Variants in MAP3K7 observed in about 807,000 individuals in gnomAD.
MAP3K7 encodes the protein TGF-beta activated kinase 1.
A neutral mutation model predicts 84.8 loss-of-function variants in MAP3K7; 21 were observed. The ratio of observed to expected loss-of-function variants is 0.25; its 90% CI spans 0.18 to 0.36. The LOEUF (loss-of-function observed/expected upper bound fraction) is 0.36, where lower values mean the gene tolerates loss of function less well. Ranked by LOEUF, MAP3K7 falls within the 10% of genes least tolerant of loss-of-function variation. The probability of loss-of-function intolerance (pLI) is 1.00; values close to 1 mark genes in which losing one functional copy is unlikely to be tolerated. For synonymous variants in MAP3K7, 241 were observed against 247.7 expected, an observed-to-expected ratio of 0.97 and a Z score of 0.25; for missense variants, 503 against 747.7, an observed-to-expected ratio of 0.67 and a Z score of 3.82.
chr6:90,552,793 A>G (rs1334227427), intron 7 of MAP3K7, among the ~76,000 whole-genome samples: 1 of 152,258 alleles, frequency 6.6e-6, no homozygotes, highest in Non-Finnish European at 1.5e-5. Flanking sequence ...ACTATAAAAG[A>G]AACAGGACAG....
At chr6:90,530,248 T>G (rs1405785070) in intron 13 of MAP3K7, among the ~76,000 whole-genome samples, 2 of 152,192 alleles carry the variant, frequency 1.3e-5, no homozygotes, top group African/African-American at 4.8e-5. Context: ...GTTTGTGACA[T>G]GTAAGAATCA....
At chr6:90,566,845 G>T (rs956483407) in intron 3 of MAP3K7, among the ~76,000 whole-genome samples, 1 of 152,064 alleles carries the variant, frequency 6.6e-6, no homozygotes, top group Non-Finnish European at 1.5e-5. Context: ...AAACAGCACG[G>T]TACTGGTACC....
At chr6:90,541,173 T>G (rs1051389921) in intron 12 of MAP3K7, among the ~76,000 whole-genome samples, 2 of 151,974 alleles carry the variant, frequency 1.3e-5, no homozygotes, top group Non-Finnish European at 2.9e-5. Context: ...TCTTCAAATA[T>G]AAATGTAACA....
Position 90,556,629 on chromosome 6 carries a change from T to TA in MAP3K7, c.483-6_483-5insT, listed in dbSNP as rs769034478. 1.4e-5 allele frequency: 21 copies of TA among 1,550,452 alleles called. No individual in the cohort carries two copies. Among genetic ancestry groups the TA allele is most frequent in the East Asian group, 2.3e-5 (1 of 43,374 alleles). ...CCCCCTGCAACCAGCAGTAAGCTGT[T>TA]TAAAAAAAAACAAAAAACATCAAAA... On this transcript the variant is annotated splice_region_variant and splice_polypyrimidine_tract_variant and intron_variant, in intron 5 of 16. Transcript: ENST00000369329.
chr6:90,534,858 T>G (rs555197472), intron 13 of MAP3K7, among the ~76,000 whole-genome samples: 1 of 152,006 alleles, frequency 6.6e-6, no homozygotes, highest in East Asian at 1.9e-4. Flanking sequence ...GTAAACAGAG[T>G]TTAAAAGGCT....
chr6:90,586,378 CAAAAAAAA>C (rs71027942), intron 1 of MAP3K7, among the ~76,000 whole-genome samples: 22 of 78,566 alleles, frequency 2.8e-4, no homozygotes, highest in Middle Eastern at 0.014. Flanking sequence ...GACTCCGTCT[CAAAAAAAA>C]AAAAAAAAAA....
intron 1 of MAP3K7, among the ~76,000 whole-genome samples, chr6:90,577,058 T>TA (rs1224419383): frequency 1.3e-5 from 2 of 152,078 alleles, no homozygotes; most frequent in African/African-American, 2.4e-5. Flanking sequence ...GATATGTAAA[T>TA]AGAGACCCAT....
chr6:90,553,627 T>C, intron 6 of MAP3K7, 41 bp from the exon 7 acceptor site: 2 of 1,553,704 alleles, frequency 1.3e-6, no homozygotes, highest in Admixed American at 2.0e-5. Context: ...AAGACTATTT[T>C]TCCACATGAC....
intron 6 of MAP3K7, 82 bp from the exon 7 acceptor site, chr6:90,553,668 T>A: frequency 2.5e-6 from 3 of 1,204,878 alleles, no homozygotes; most frequent in Non-Finnish European, 3.5e-6. Context: ...ATTTTGAGAA[T>A]GGGTATCAGG....
chr6:90,563,996 T>A lies in MAP3K7; in HGVS notation c.298-2329A>T, dbSNP rs559776549. Among the ~76,000 whole-genome samples the A allele has an allele frequency of 2.6e-5, 4 of 152,234 alleles. 1 individual carries two copies. The highest frequency in any genetic ancestry group is 9.6e-5 in the African/African-American group (4 of 41,530). ...CTTCATAGGTGAGGGAGAAATAAAA[T>A]CCTTTACAGACAAACAAATGCTGAC... On this transcript the variant is annotated intron_variant, in intron 3 of 16. Transcript: ENST00000369329.
intron 14 of MAP3K7, among the ~76,000 whole-genome samples, chr6:90,522,562 A>G (rs755237064): frequency 6.6e-6 from 1 of 152,142 alleles, no homozygotes; most frequent in Non-Finnish European, 1.5e-5. Context: ...AATTCTACAC[A>G]TGTGCTGCGT....
chr6:90,536,598 C>T (rs1209542585), intron 12 of MAP3K7, 197 bp from the exon 13 acceptor site: 7 of 542,120 alleles, frequency 1.3e-5, no homozygotes, highest in East Asian at 6.2e-5. Flanking sequence ...GAAACAGCTG[C>T]GGTGTTTTAA....
intron 11 of MAP3K7, 98 bp downstream of exon 11, chr6:90,547,160 A>ATTAT: frequency 7.3e-7 from 1 of 1,365,508 alleles, no homozygotes; most frequent in Non-Finnish European, 1.0e-6. Context: ...TTAAAAAAAA[A>ATTAT]TATAAGACAC....
chr6:90,585,001 A>G (rs926325164), intron 1 of MAP3K7, among the ~76,000 whole-genome samples: 3 of 152,212 alleles, frequency 2.0e-5, no homozygotes, highest in South Asian at 2.1e-4. Context: ...TCTTTTAGCC[A>G]TATGACCTTA....
Position 90,586,901 on chromosome 6 carries a change from G to C in MAP3K7, c.-18C>G, listed in dbSNP as rs907333686. 2 of 1,598,638 alleles carry C rather than the reference G, an allele frequency of 1.3e-6. No homozygotes were observed. The highest frequency in any genetic ancestry group is 2.7e-5 in the African/African-American group (2 of 73,734). ...GTAGACATGATCCCTCGCGGCGCCC[G>C]GTGGGGCCGGGAACGGTGCCACCCG... On this transcript the variant is annotated 5_prime_UTR_variant, in exon 1 of 17. Coordinates refer to ENST00000369329, the MANE Select transcript of MAP3K7 (RefSeq NM_145331.3).
At chr6:90,519,343 T>C (rs532233190) in intron 14 of MAP3K7, 24 bp from the exon 15 acceptor site, 7 of 1,490,892 alleles carry the variant, frequency 4.7e-6, no homozygotes, top group Admixed American at 4.1e-5. Flanking sequence ...ATGTATTTTA[T>C]TGATTTTCTG....
rs550896831 is a variant in MAP3K7 at position 90,560,487 on chromosome 6, G to A, written c.344-273C>T. Among the ~76,000 whole-genome samples, 9 of 152,168 alleles carry A rather than the reference G, an allele frequency of 5.9e-5. No homozygotes were observed. In the South Asian group the frequency reaches 1.5e-3, roughly 25 times the overall value. On this transcript the variant is annotated intron_variant, in intron 4 of 16. Transcript: ENST00000369329. ...AGCGATTCTCCTGGCTCAGCCTCCC[G>A]AGTAGCTGGGACTACAGGCGTGTGC...
chr6:90,576,468 CACAG>C lies in MAP3K7; in HGVS notation c.121-4665_121-4662del, dbSNP rs1364732024. 2.2e-4 allele frequency among the ~76,000 whole-genome samples: 28 copies of C among 129,090 alleles called. No individual in the cohort carries two copies. In the South Asian group the frequency reaches 4.4e-3, roughly 20 times the overall value. 84.7% of individuals were successfully genotyped at this position (129,090 alleles called of 152,430 possible). ...ACACACACACACACACACACACACA[CACAG>C]AAGAAACAACTAATATAAAGCTTTG... On this transcript the variant is annotated intron_variant, in intron 1 of 16. Coordinates refer to ENST00000369329, the MANE Select transcript of MAP3K7 (RefSeq NM_145331.3).
chr6:90,552,589 AT>A (rs1194706387), intron 7 of MAP3K7, among the ~76,000 whole-genome samples: 1 of 152,240 alleles, frequency 6.6e-6, no homozygotes, highest in Admixed American at 6.5e-5. Context: ...TTGTGGAATA[AT>A]GTAAAAAATG....
Sources: allele counts gnomAD v4.1 joint callset (sites outside exome capture counted in the v4.1 genomes callset), GRCh38; gene constraint gnomAD v4.1.1; transcripts MANE v1.5; gene names NCBI Gene and HGNC (gene_info 2026-07-23, HGNC 2026-07-21).